Variants in MICU3 observed in about 807,000 individuals in gnomAD.
MICU3 encodes calcium uptake protein 3, mitochondrial.
In MICU3, 62 loss-of-function variants were observed where a neutral mutation model predicts 66.5. The ratio of observed to expected loss-of-function variants is 0.93; its 90% CI spans 0.76 to 1.15. MICU3 has a LOEUF of 1.15. Among genes scored for constraint, MICU3 ranks in the 50% most tolerant of loss-of-function variants. The pLI is 0.00. For missense variants in MICU3, 779 were observed against 664.4 expected (o/e 1.17, Z -1.90); for synonymous variants, 308 against 240.7 (o/e 1.28, Z -2.59).
At chr8:17,048,647 A>G (rs944149996) in intron 1 of MICU3, among the ~76,000 whole-genome samples, 6 of 152,034 alleles carry the variant, frequency 3.9e-5, no homozygotes, top group Admixed American at 6.6e-5. Context: ...ACAGGGATTC[A>G]CTCTGTCACC....
At chr8:17,136,095 A>C in the MICU3 span, among the ~76,000 whole-genome samples, 1 of 152,030 alleles carries the variant, frequency 6.6e-6, no homozygotes, top group African/African-American at 2.4e-5. Context: ...ACCTAGCACA[A>C]TCTCCAACAC....
chr8:17,097,763 T>A (rs891023775), intron 8 of MICU3, among the ~76,000 whole-genome samples: 2 of 151,676 alleles, frequency 1.3e-5, no homozygotes, highest in African/African-American at 4.8e-5. Flanking sequence ...GCTTGCAGTT[T>A]GACATCTTCC....
At chr8:17,130,996 T>C in the MICU3 span, among the ~76,000 whole-genome samples, 1 of 152,154 alleles carries the variant, frequency 6.6e-6, no homozygotes, top group Non-Finnish European at 1.5e-5. Context: ...AAAGATCCTA[T>C]GTAAACAGTA....
chr8:17,056,536 T>C (rs1227868388), intron 1 of MICU3, among the ~76,000 whole-genome samples: 1 of 152,236 alleles, frequency 6.6e-6, no homozygotes, highest in African/African-American at 2.4e-5. Context: ...CTCAAGGAAT[T>C]CATGATTGAA....
intron 1 of MICU3, among the ~76,000 whole-genome samples, chr8:17,052,945 T>C (rs1352783398): frequency 6.6e-6 from 1 of 152,176 alleles, no homozygotes; most frequent in African/African-American, 2.4e-5. Context: ...AAGATTATTT[T>C]TTATGTTTTA....
intron 3 of MICU3, among the ~76,000 whole-genome samples, chr8:17,074,757 A>G (rs937943797): frequency 6.6e-6 from 1 of 152,002 alleles, no homozygotes; most frequent in African/African-American, 2.4e-5. Context: ...TCTATTAACT[A>G]TAATTTTTTT....
intron 1 of MICU3, among the ~76,000 whole-genome samples, chr8:17,042,071 T>C (rs1484320963): frequency 1.3e-5 from 2 of 152,210 alleles, no homozygotes; most frequent in African/African-American, 2.4e-5. Context: ...TTTAACTTGC[T>C]CATGAAATGC....
chr8:17,094,834 G>A (rs1800498407), intron 8 of MICU3, among the ~76,000 whole-genome samples: 1 of 151,930 alleles, frequency 6.6e-6, no homozygotes, highest in East Asian at 1.9e-4. Flanking sequence ...CTGTATGCAC[G>A]CTTCCTGTTT....
downstream of MICU3, among the ~76,000 whole-genome samples, chr8:17,122,906 G>C (rs1803291931): frequency 6.6e-6 from 1 of 151,994 alleles, no homozygotes; most frequent in Non-Finnish European, 1.5e-5. Flanking sequence ...TTTTCAGAAA[G>C]TTTATATGTG....
chr8:17,122,733 A>G (rs1017425424), downstream of MICU3: 1 of 152,048 alleles, frequency 6.6e-6, no homozygotes, highest in Non-Finnish European at 1.5e-5. Flanking sequence ...ATGGGTTACT[A>G]AACCTCTTTT....
chr8:17,116,377 C>T, intron 12 of MICU3, 66 bp from the exon 13 acceptor site: 1 of 1,062,054 alleles, frequency 9.4e-7, no homozygotes, highest in East Asian at 3.1e-5. Flanking sequence ...TACAACCTTT[C>T]TAGTAATTAA....
chr8:17,126,989 C>A (rs1217529832), downstream of MICU3, among the ~76,000 whole-genome samples: 4 of 152,074 alleles, frequency 2.6e-5, no homozygotes, highest in Admixed American at 2.6e-4. Flanking sequence ...TTCAGTATGG[C>A]ATTTCCTATA....
At chr8:17,126,768 A>T (rs1803415425), downstream of MICU3, among the ~76,000 whole-genome samples, 1 of 152,346 alleles carries the variant, frequency 6.6e-6, no homozygotes, top group Admixed American at 6.5e-5. Flanking sequence ...TGAAGAAAAA[A>T]TAAAAGTATT....
Position 17,069,698 on chromosome 8 carries a change from T to A in MICU3, c.546T>A (p.Thr182=). The A allele has an allele frequency of 6.5e-7, 1 of 1,543,250 alleles. No individual in the cohort carries two copies. The highest frequency in any genetic ancestry group is 8.8e-7 in the Non-Finnish European group (1 of 1,140,960). The change falls in exon 3 of 15, where the codon ACT becomes ACA. Residue 182 remains threonine (T), a synonymous_variant. Transcript: ENST00000318063. ...VTTDEPKVAK[T]WKSLSKQELN... Reference sequence around the variant, plus strand: ...ATTTGTTTATTTTAGTTGCCAAAACTTGGAAGTCACTTTCCAAACAGGTGA... The same window carrying A: ...ATTTGTTTATTTTAGTTGCCAAAACATGGAAGTCACTTTCCAAACAGGTGA...
chr8:17,072,355 G>T (rs761142794), intron 3 of MICU3, among the ~76,000 whole-genome samples: 1 of 151,824 alleles, frequency 6.6e-6, no homozygotes, highest in Non-Finnish European at 1.5e-5. Flanking sequence ...TTAGGCCTCA[G>T]ATTTACTACC....
intron 10 of MICU3, among the ~76,000 whole-genome samples, chr8:17,105,090 G>T (rs1801627210): frequency 6.7e-6 from 1 of 149,224 alleles, no homozygotes; most frequent in Non-Finnish European, 1.5e-5. Flanking sequence ...CCAATTCCTT[G>T]TCTCAATAAG....
At chr8:17,070,461 A>G (rs1819387678) in intron 3 of MICU3, among the ~76,000 whole-genome samples, 1 of 152,120 alleles carries the variant, frequency 6.6e-6, no homozygotes, top group Admixed American at 6.6e-5. Flanking sequence ...ACGTGGGAAA[A>G]CAAAGGAATA....
chr8:17,088,991 G>A (rs888952012), intron 7 of MICU3, among the ~76,000 whole-genome samples: 1 of 151,628 alleles, frequency 6.6e-6, no homozygotes, highest in East Asian at 1.9e-4. Context: ...TATTTTATAT[G>A]GGTTAATGAA....
intron 1 of MICU3, among the ~76,000 whole-genome samples, chr8:17,062,375 C>G (rs1421002709): frequency 1.3e-5 from 2 of 152,136 alleles, no homozygotes; most frequent in African/African-American, 4.8e-5. Flanking sequence ...ATATTCATTC[C>G]TTAAAGACAG....
Sources: gnomAD v4.1 joint callset for allele counts (sites outside exome capture counted in the v4.1 genomes callset) on GRCh38, gnomAD v4.1.1 for gene constraint, MANE v1.5 for transcripts, NCBI Gene and HGNC (gene_info 2026-07-23, HGNC 2026-07-21) for gene names.